UNC79: variants seen among roughly 807,000 people sequenced by gnomAD.
UNC79 encodes unc-79 subunit of NALCN channel complex, also known as protein unc-79 homolog.
In UNC79, 37 loss-of-function variants were observed where a neutral mutation model predicts 283.1. That is an observed-to-expected ratio of 0.13 (90% CI 0.10 to 0.17). The LOEUF (loss-of-function observed/expected upper bound fraction) is 0.17. Among genes scored for constraint, UNC79 ranks in the 10% least tolerant of loss-of-function variants. UNC79 has a pLI of 1.00. For synonymous variants in UNC79, 1,107 were observed against 1,200.2 expected (o/e 0.92, Z 1.61); for missense variants, 2,272 against 3,211.1 (o/e 0.71, Z 7.07).
At chr14:93,635,049 G>C (rs1249547141) in intron 31 of UNC79, among the ~76,000 whole-genome samples, 1 of 152,208 alleles carries the variant, frequency 6.6e-6, no homozygotes, top group Non-Finnish European at 1.5e-5. Flanking sequence ...TGTCAGCTTA[G>C]TGACATCATG....
At chr14:93,335,375 C>T (rs1206812425) in intron 1 of UNC79, among the ~76,000 whole-genome samples, 1 of 152,218 alleles carries the variant, frequency 6.6e-6, no homozygotes, top group East Asian at 1.9e-4. Context: ...TTTAAAGTAT[C>T]CAGTACCATG....
intron 40 of UNC79, among the ~76,000 whole-genome samples, chr14:93,663,525 C>G (rs2071822636): frequency 6.6e-6 from 1 of 152,104 alleles, no homozygotes; most frequent in Non-Finnish European, 1.5e-5. Flanking sequence ...TCTATAAGCC[C>G]TTTATTTTCC....
At chr14:93,349,471 CTGGATGTT>C (rs1265867882) in intron 1 of UNC79, among the ~76,000 whole-genome samples, 2 of 152,170 alleles carry the variant, frequency 1.3e-5, no homozygotes, top group African/African-American at 4.8e-5. Flanking sequence ...TACAATCTTC[CTGGATGTT>C]GCCTAAGTTT....
At chr14:93,427,927 A>G (rs1324696447), upstream of UNC79, among the ~76,000 whole-genome samples, 1 of 152,192 alleles carries the variant, frequency 6.6e-6, no homozygotes, top group African/African-American at 2.4e-5. Context: ...GATTTTTAAA[A>G]TATTTCTATG....
At chr14:93,418,730 G>A (rs2055521915) in intron 1 of UNC79, among the ~76,000 whole-genome samples, 1 of 151,790 alleles carries the variant, frequency 6.6e-6, no homozygotes, top group Non-Finnish European at 1.5e-5. Flanking sequence ...GCAATGGTGG[G>A]CGCCCCTCCC....
intron 26 of UNC79, among the ~76,000 whole-genome samples, chr14:93,608,344 G>A (rs1305706760): frequency 1.3e-5 from 2 of 152,186 alleles, no homozygotes; most frequent in African/African-American, 4.8e-5. Flanking sequence ...TGCAAAGGGA[G>A]GGGAGCTTTC....
chr14:93,336,415 C>T (rs532729665), intron 1 of UNC79, among the ~76,000 whole-genome samples: 25 of 152,098 alleles, frequency 1.6e-4, no homozygotes, highest in Non-Finnish European at 3.1e-4. Context: ...AATCTCAGCT[C>T]AGTGCAACCT....
At chr14:93,593,654 C>T in intron 22 of UNC79, 26 bp from the exon 23 acceptor site, 1 of 1,592,272 alleles carries the variant, frequency 6.3e-7, no homozygotes. Context: ...TAACTGTCAC[C>T]ACTTTGCTTC....
At chr14:93,686,888 T>C (rs2074283392) in intron 43 of UNC79, among the ~76,000 whole-genome samples, 1 of 152,160 alleles carries the variant, frequency 6.6e-6, no homozygotes, top group Non-Finnish European at 1.5e-5. Flanking sequence ...AGCTTTACTT[T>C]TGCCATATAT....
intron 7 of UNC79, among the ~76,000 whole-genome samples, chr14:93,501,317 C>T (rs944047569): frequency 6.6e-6 from 1 of 151,710 alleles, no homozygotes; most frequent in Admixed American, 6.6e-5. Context: ...GACCAAGACT[C>T]CATCTCAAAA....
At chr14:93,516,839 G>A (rs1299601547) in intron 7 of UNC79, among the ~76,000 whole-genome samples, 1 of 151,948 alleles carries the variant, frequency 6.6e-6, no homozygotes, top group Non-Finnish European at 1.5e-5. Flanking sequence ...TTTCATCCAT[G>A]AACATGGTAT....
At chr14:93,510,583 T>C (rs1449329226) in intron 7 of UNC79, among the ~76,000 whole-genome samples, 2 of 152,186 alleles carry the variant, frequency 1.3e-5, no homozygotes, top group African/African-American at 2.4e-5. Flanking sequence ...AATTCAAAGT[T>C]CTACAGATCC....
At chr14:93,521,142 T>C (rs1365340471) in intron 7 of UNC79, among the ~76,000 whole-genome samples, 5 of 152,030 alleles carry the variant, frequency 3.3e-5, no homozygotes, top group African/African-American at 4.8e-5. Context: ...AATGTTAGTT[T>C]AACCCTATTA....
rs550533503 is a variant in UNC79, at chr14:93,628,877, A to G, written c.5609-1924A>G. Among the ~76,000 whole-genome samples the G allele has an allele frequency of 1.3e-4, 20 of 152,348 alleles. No homozygotes were observed. The East Asian group carries it at 3.7e-3, about 28-fold the overall frequency. ...CCTTCTTACAGCAAGACGTTTCTTT[A>G]AAATTAAAGATACAGCAAGGATTTT... is the stretch of plus-strand genomic sequence containing the variant. On this transcript the variant is annotated intron_variant, in intron 30 of 48. Transcript: ENST00000555664.
chr14:93,355,741 C>T (rs1417970143), intron 1 of UNC79, among the ~76,000 whole-genome samples: 1 of 152,220 alleles, frequency 6.6e-6, no homozygotes, highest in East Asian at 1.9e-4. Context: ...CCTAACTATG[C>T]TCTTGTTATA....
chr14:93,556,366 T>C (rs1279847940), intron 14 of UNC79, among the ~76,000 whole-genome samples: 1 of 152,234 alleles, frequency 6.6e-6, no homozygotes, highest in African/African-American at 2.4e-5. Context: ...GCCTCTTATT[T>C]AGCTATTGCA....
chr14:93,381,296 G>C lies in UNC79; in HGVS notation c.-351+47773G>C, dbSNP rs61994472. On this transcript the variant is annotated intron_variant, in intron 1 of 49. Transcript: ENST00000256339. ...GAATATCATGGGATTATCTGATGAC[G>C]GATGTTGGGGTTGTGACTCCCCCCA... Among the ~76,000 whole-genome samples the C allele has an allele frequency of 2.6e-5, 4 of 152,250 alleles. No individual in the cohort carries two copies. In the East Asian group the frequency reaches 7.7e-4, roughly 29 times the overall value.
intron 14 of UNC79, among the ~76,000 whole-genome samples, chr14:93,547,528 T>C (rs1335531612): frequency 1.3e-5 from 2 of 152,236 alleles, no homozygotes; most frequent in Non-Finnish European, 2.9e-5. Context: ...TACAGGTCAC[T>C]GTGAAACAAT....
chr14:93,660,599 T>C lies in UNC79; in HGVS notation c.6525+1338T>C, dbSNP rs2071492577. On this transcript the variant is annotated intron_variant, in intron 39 of 48. Transcript: ENST00000555664. ...TGTGTGTTCATTTTATTTTATTTTA[T>C]TTTATTTTGAGACAGAGTCTCGCTC... Among the ~76,000 whole-genome samples the C allele has an allele frequency of 1.4e-5, 2 of 144,368 alleles. 1 individual carries two copies. Among genetic ancestry groups the C allele is most frequent in the Admixed American group, 1.4e-4 (2 of 14,380 alleles). The allele number at this position is 144,368 out of a possible 152,430, so 94.7% of individuals were successfully genotyped here. A position where few individuals can be genotyped will look rare whatever the true frequency, so the allele number is the denominator to read the frequency against.
Sources: allele counts gnomAD v4.1 joint callset (sites outside exome capture counted in the v4.1 genomes callset), GRCh38; gene constraint gnomAD v4.1.1; transcripts MANE v1.5; gene names NCBI Gene and HGNC (gene_info 2026-07-23, HGNC 2026-07-21).